NIN: variants seen among roughly 807,000 people sequenced by gnomAD.
NIN encodes the protein ninein.
A neutral mutation model predicts 257.6 loss-of-function variants in NIN; 137 were observed. That is an observed-to-expected ratio of 0.53 (90% confidence interval 0.46 to 0.61). The LOEUF (loss-of-function observed/expected upper bound fraction) is 0.61, where lower values mean the gene tolerates loss of function less well. Among genes scored for constraint, NIN ranks in the 20% least tolerant of loss-of-function variants. The pLI is 0.00. For synonymous variants in NIN, 918 were observed against 919.8 expected (o/e 1.00, Z 0.04); for missense variants, 2,439 against 2,501.2 (o/e 0.98, Z 0.53).
chr14:50,789,940 C>A (rs2043514256), intron 5 of NIN, among the ~76,000 whole-genome samples: 1 of 152,236 alleles, frequency 6.6e-6, no homozygotes, highest in South Asian at 2.1e-4. Flanking sequence ...CCACAAGATT[C>A]CTGCATACAC....
rs544305114 is a variant in NIN, at chr14:50,729,269, T to TTA, written c.6078+253_6078+254insTA. On this transcript the variant is annotated intron_variant, in intron 29 of 30. Transcript: ENST00000530997. ...ATTGTGATTTTGTTTTTTTTTTTTT[T>TTA]AATTTAAGAGATGGAGTCTTGCTAT... is the stretch of plus-strand genomic sequence containing the variant. Among the ~76,000 whole-genome samples, 77 of 150,628 alleles carry TTA rather than the reference T, an allele frequency of 5.1e-4. 1 individual carries two copies. The highest frequency in any genetic ancestry group is 6.9e-4 in the African/African-American group (28 of 40,858).
chr14:50,818,384 C>CT (rs1300391614), intron 3 of NIN, among the ~76,000 whole-genome samples: 1 of 149,156 alleles, frequency 6.7e-6, no homozygotes, highest in Non-Finnish European at 1.5e-5. Context: ...GGCAAATTAT[C>CT]TTCATGTCCT....
At chr14:50,774,594 A>G (rs766714084) in intron 7 of NIN, among the ~76,000 whole-genome samples, 39 of 152,210 alleles carry the variant, frequency 2.6e-4, no homozygotes, top group Non-Finnish European at 2.2e-4. Flanking sequence ...AACCAAAATA[A>G]TATTTTCCTG....
chr14:50,777,155 A>G lies in NIN; in HGVS notation c.476-16T>C. ...CTTAACTGGCCTGAGAGAGAAGCAT[A>G]TGTTGCACGGTTTCCAAAGGAATTG... On this transcript the variant is annotated splice_polypyrimidine_tract_variant and intron_variant, in intron 6 of 30. Coordinates refer to ENST00000530997, the MANE Select transcript of NIN (RefSeq NM_020921.4). The G allele has an allele frequency of 6.4e-7, 1 of 1,570,118 alleles. No homozygotes were observed. Among genetic ancestry groups the G allele is most frequent in the Non-Finnish European group, 8.6e-7 (1 of 1,159,636 alleles).
intron 29 of NIN, 152 bp downstream of exon 29, chr14:50,729,371 G>C: frequency 1.5e-6 from 1 of 670,808 alleles, no homozygotes; most frequent in Admixed American, 3.2e-5. Flanking sequence ...CTGGCCTCAA[G>C]CGATCCTCCC....
Position 50,772,404 on chromosome 14 carries a change from C to G in NIN, c.878G>C (p.Arg293Pro). 5.6e-6 allele frequency: 9 copies of G among 1,614,158 alleles called. No homozygotes were observed. Among genetic ancestry groups the G allele is most frequent in the Non-Finnish European group, 6.8e-6 (8 of 1,180,026 alleles). ...SSAMTSTIGF[R>P]VFSCLDDGMG... ...CCCATCATCCAGGCAGGAGAAGACC[C>G]GAAAGCCAATGGTACTTGTCATTGC... Residue 293 changes from arginine (R) to proline (P), a missense_variant, in exon 9 of 31, where the codon CGG (arginine) becomes CCG (proline). Transcript: ENST00000530997.
In NIN at chr14:50,778,722, G is replaced by A. The variant is rs369043988; in HGVS notation, c.475+43C>T. 515 of 1,593,604 alleles carry A rather than the reference G, an allele frequency of 3.2e-4. 1 individual carries two copies. Among genetic ancestry groups the A allele is most frequent in the Admixed American group, 8.0e-4 (48 of 59,906 alleles). ...AGACCGGGTGTGGAGAGCACCCGGC[G>A]GCCCTTCCCTTCCAGGCACGTCCTG... is the stretch of plus-strand genomic sequence containing the variant. On this transcript the variant is annotated intron_variant, in intron 6 of 30. Coordinates refer to ENST00000530997, the MANE Select transcript of NIN (RefSeq NM_020921.4).
intron 27 of NIN, among the ~76,000 whole-genome samples, chr14:50,737,088 TA>T (rs2041015872): frequency 1.3e-5 from 2 of 152,160 alleles, no homozygotes; most frequent in South Asian, 4.1e-4. Context: ...ATACTAGGGT[TA>T]GTCTGCGTGA....
At chr14:50,755,822 G>A (rs1480312118) in intron 18 of NIN, among the ~76,000 whole-genome samples, 1 of 151,702 alleles carries the variant, frequency 6.6e-6, no homozygotes, top group Admixed American at 6.6e-5. Flanking sequence ...GCACCACCAC[G>A]CCCAGCAAAC....
At chr14:50,798,810 C>T (rs1316965753) in intron 4 of NIN, among the ~76,000 whole-genome samples, 6 of 152,204 alleles carry the variant, frequency 3.9e-5, no homozygotes, top group Admixed American at 2.6e-4. Flanking sequence ...GACGGAGTCT[C>T]GCTCTATTGC....
At chr14:50,819,032 C>G (rs2045071229) in intron 3 of NIN, among the ~76,000 whole-genome samples, 1 of 152,052 alleles carries the variant, frequency 6.6e-6, no homozygotes, top group African/African-American at 2.4e-5. Flanking sequence ...TAATTCAGCC[C>G]AAGTCCAATA....
chr14:50,776,317 C>A (rs975210459), intron 7 of NIN, among the ~76,000 whole-genome samples: 5 of 152,092 alleles, frequency 3.3e-5, no homozygotes, highest in Non-Finnish European at 5.9e-5. Context: ...CTTTTGGGGG[C>A]TCCTTCAAAA....
At position 50,822,064 on chromosome 14, in the gene NIN, C is replaced by G. The variant is rs564490007; in HGVS notation, c.-8G>C. ...CTGCTCCACCTCATCCATCCCATAG[C>G]CCACAGTGCTCACCTGTGTGTAAGA... On this transcript the variant is annotated 5_prime_UTR_variant, in exon 3 of 31. Coordinates refer to ENST00000530997, the MANE Select transcript of NIN (RefSeq NM_020921.4). 1.2e-6 allele frequency: 2 copies of G among 1,610,612 alleles called. No individual in the cohort carries two copies. The highest frequency in any genetic ancestry group is 4.5e-5 in the East Asian group (2 of 44,872).
intron 21 of NIN, among the ~76,000 whole-genome samples, chr14:50,751,607 A>C (rs959822613): frequency 1.3e-5 from 2 of 152,214 alleles, no homozygotes; most frequent in African/African-American, 4.8e-5. Context: ...CCCAGGCTAG[A>C]GTGTAGTGGT....
At position 50,764,028 on chromosome 14, in the gene NIN, C is replaced by A. The variant is rs533921687; in HGVS notation, c.1636-64G>T. ...CCAAAAGCATAAGCAACAACAACAACAAAAAAGATAAATTGGATATCATCA... is the reference window on the plus strand; with the variant it reads ...CCAAAAGCATAAGCAACAACAACAAAAAAAAAGATAAATTGGATATCATCA... On this transcript the variant is annotated intron_variant, in intron 14 of 30. Transcript: ENST00000530997. 1.3e-4 allele frequency: 177 copies of A among 1,395,790 alleles called. No individual in the cohort carries two copies. The African/African-American group carries it at 2.3e-3, about 18-fold the overall frequency. 86.5% of individuals were successfully genotyped at this position (1,395,790 alleles called of 1,614,324 possible).
chr14:50,765,481 C>T (rs570762523), intron 14 of NIN, among the ~76,000 whole-genome samples: 15 of 152,218 alleles, frequency 9.9e-5, no homozygotes, highest in African/African-American at 3.4e-4. Context: ...CATCTCTGCA[C>T]AATTAAACTT....
chr14:50,761,049 G>C (rs891803643), intron 16 of NIN, among the ~76,000 whole-genome samples: 1 of 152,144 alleles, frequency 6.6e-6, no homozygotes, highest in Non-Finnish European at 1.5e-5. Context: ...ACAACGCTGG[G>C]TAAGATATGG....
In NIN at chr14:50,791,807, G is replaced by GCACACACAAACACAAACACA. The variant is rs57083345; in HGVS notation, c.435+904_435+905insTGTGTTTGTGTTTGTGTGTG. Reference sequence around the variant, plus strand: ...CCACAATGAACACACAGGTGCACGCGCACACACACACACACACACACACAC... The same window carrying GCACACACAAACACAAACACA: ...CCACAATGAACACACAGGTGCACGCGCACACACAAACACAAACACACACACACACACACACACACACACAC... On this transcript the variant is annotated intron_variant, in intron 5 of 30. Coordinates refer to ENST00000530997, the MANE Select transcript of NIN (RefSeq NM_020921.4). Among the ~76,000 whole-genome samples, 76 of 116,770 alleles carry GCACACACAAACACAAACACA rather than the reference G, an allele frequency of 6.5e-4. No homozygotes were observed. In the South Asian group the frequency reaches 0.013, roughly 20 times the overall value. 76.6% of individuals were successfully genotyped at this position (116,770 alleles called of 152,430 possible).
chr14:50,750,805 G>C (rs761870955), intron 21 of NIN, among the ~76,000 whole-genome samples: 6 of 152,150 alleles, frequency 3.9e-5, no homozygotes, highest in Non-Finnish European at 8.8e-5. Context: ...CGTTACTATG[G>C]TTCTAAGAGT....
Sources: gnomAD v4.1 joint callset for allele counts (sites outside exome capture counted in the v4.1 genomes callset) on GRCh38, gnomAD v4.1.1 for gene constraint, MANE v1.5 for transcripts, NCBI Gene and HGNC (gene_info 2026-07-23, HGNC 2026-07-21) for gene names.